GLT8D2: variants seen among roughly 807,000 people sequenced by gnomAD.
GLT8D2 encodes glycosyltransferase 8 domain-containing protein 2.
A neutral mutation model predicts 44.5 loss-of-function variants in GLT8D2; 45 were observed. The ratio of observed to expected loss-of-function variants is 1.01; its 90% CI spans 0.80 to 1.30. The LOEUF is 1.30. Ranked by LOEUF, GLT8D2 falls within the 50% of genes most tolerant of loss-of-function variation. The probability of loss-of-function intolerance (pLI) is 0.00; values close to 1 mark genes in which losing one functional copy is unlikely to be tolerated. For missense variants in GLT8D2, 400 were observed against 430.4 expected (o/e 0.93, Z 0.62); for synonymous variants, 156 against 157.2 (o/e 0.99, Z 0.06).
chr12:104,016,759 GAA>G (rs1566199564), intron 3 of GLT8D2, among the ~76,000 whole-genome samples: 1 of 95,860 alleles, frequency 1.0e-5, no homozygotes, highest in Non-Finnish European at 2.2e-5. Flanking sequence ...AAGAAAGAAA[GAA>G]AGAAAGAAAG....
At chr12:104,011,966 G>A (rs1055940066) in intron 4 of GLT8D2, among the ~76,000 whole-genome samples, 3 of 151,664 alleles carry the variant, frequency 2.0e-5, no homozygotes, top group African/African-American at 7.3e-5. Flanking sequence ...GAGGTCAGGC[G>A]TTTGAGACCA....
chr12:104,036,567 G>A (rs1032390185), intron 1 of GLT8D2, among the ~76,000 whole-genome samples: 8 of 152,160 alleles, frequency 5.3e-5, no homozygotes, highest in Admixed American at 5.2e-4. Context: ...GACAAAGAAG[G>A]CCATTACGTC....
chr12:103,994,473 C>T lies in GLT8D2; in HGVS notation c.629G>A (p.Arg210Gln), dbSNP rs765627577. ...GCCAAGGTCCTTGATGGCCTTCTTC[C>T]GGTAGTCCAGATAGCCCATATATGT... is the stretch of plus-strand genomic sequence containing the variant. ...QNTYMGYLDY[R>Q]KKAIKDLGIS... Residue 210 changes from arginine to glutamine, a missense_variant, in exon 9 of 11, where the codon CGG becomes CAG. Coordinates refer to ENST00000360814, the MANE Select transcript of GLT8D2 (RefSeq NM_001384711.1). 34 of 1,613,766 alleles carry T rather than the reference C, an allele frequency of 2.1e-5. No homozygotes were observed. The highest frequency in any genetic ancestry group is 5.5e-5 in the South Asian group (5 of 91,028).
chr12:104,008,793 C>T (rs985544371), intron 4 of GLT8D2, among the ~76,000 whole-genome samples: 6 of 152,368 alleles, frequency 3.9e-5, no homozygotes, highest in Admixed American at 3.9e-4. Context: ...TGTGTCCCAG[C>T]CACTCCAGCC....
chr12:103,990,105 A>ATG (rs1872553732), intron 10 of GLT8D2, among the ~76,000 whole-genome samples: 1 of 34,790 alleles, frequency 2.9e-5, no homozygotes, highest in Non-Finnish European at 5.4e-5. Context: ...ATATATATAT[A>ATG]TATATATATA....
chr12:104,027,202 T>G (rs184202858), intron 1 of GLT8D2, among the ~76,000 whole-genome samples: 1 of 152,332 alleles, frequency 6.6e-6, no homozygotes, highest in Admixed American at 6.5e-5. Context: ...CTTTTGCACC[T>G]GGAAAAGAAA....
At chr12:104,025,805 G>A (rs150951579) in intron 1 of GLT8D2, among the ~76,000 whole-genome samples, 3 of 152,186 alleles carry the variant, frequency 2.0e-5, no homozygotes, top group Admixed American at 6.5e-5. Flanking sequence ...CAATTTCAGG[G>A]TATTCAAAGG....
At chr12:104,035,830 T>C (rs1024229492) in intron 1 of GLT8D2, among the ~76,000 whole-genome samples, 2 of 152,104 alleles carry the variant, frequency 1.3e-5, no homozygotes, top group Admixed American at 6.5e-5. Flanking sequence ...ACCGCAAAGA[T>C]ATTCCTCGAG....
At chr12:104,023,826 AATGTTTT>A (rs1463884259) in intron 1 of GLT8D2, among the ~76,000 whole-genome samples, 1 of 152,176 alleles carries the variant, frequency 6.6e-6, no homozygotes, top group African/African-American at 2.4e-5. Context: ...CAATTAGCAT[AATGTTTT>A]TGAGATTCAT....
intron 4 of GLT8D2, among the ~76,000 whole-genome samples, chr12:104,006,861 C>G (rs977098380): frequency 6.6e-6 from 1 of 152,182 alleles, no homozygotes; most frequent in Non-Finnish European, 1.5e-5. Context: ...AAAACACACA[C>G]ACACTTAAAA....
chr12:104,055,985 G>T (rs1410018655), intron 1 of GLT8D2, among the ~76,000 whole-genome samples: 2 of 152,204 alleles, frequency 1.3e-5, no homozygotes, highest in Non-Finnish European at 2.9e-5. Flanking sequence ...CGGTGCTCTT[G>T]CTTTCCCCTG....
In GLT8D2 at chr12:104,015,157, C is replaced by T. The variant is rs370269983; in HGVS notation, c.20-52G>A. Reference sequence around the variant, plus strand: ...CATTGAACCTATGAACCTGAAATCACGTGACAAAGTTTAGAATGGTAGTGC... The same window carrying T: ...CATTGAACCTATGAACCTGAAATCATGTGACAAAGTTTAGAATGGTAGTGC... On this transcript the variant is annotated intron_variant, in intron 3 of 10. Coordinates refer to ENST00000360814, the MANE Select transcript of GLT8D2 (RefSeq NM_001384711.1). The T allele has an allele frequency of 6.3e-4, 893 of 1,422,234 alleles. 6 individuals are homozygous for T. The Middle Eastern group carries it at 7.8e-3, about 12-fold the overall frequency. The allele number at this position is 1,422,234 out of a possible 1,614,324, so 88.1% of individuals were successfully genotyped here.
intron 2 of GLT8D2, among the ~76,000 whole-genome samples, chr12:104,020,696 G>C (rs968372733): frequency 6.6e-6 from 1 of 152,206 alleles, no homozygotes; most frequent in African/African-American, 2.4e-5. Flanking sequence ...AAACTTCATT[G>C]AGGAGATGGC....
chr12:104,023,343 G>T (rs897146415), intron 1 of GLT8D2, among the ~76,000 whole-genome samples: 14 of 152,096 alleles, frequency 9.2e-5, no homozygotes, highest in African/African-American at 2.9e-4. Context: ...TTTTTATTAG[G>T]TAGTATTTTC....
intron 3 of GLT8D2, among the ~76,000 whole-genome samples, chr12:104,018,289 T>C (rs1022257137): frequency 6.6e-6 from 1 of 152,154 alleles, no homozygotes; most frequent in Non-Finnish European, 1.5e-5. Context: ...TTTTTTATTA[T>C]TTTTATGCAT....
intron 4 of GLT8D2, among the ~76,000 whole-genome samples, chr12:104,006,117 G>A (rs1338727583): frequency 6.6e-6 from 1 of 151,404 alleles, no homozygotes; most frequent in East Asian, 1.9e-4. Flanking sequence ...ATCATTCTCA[G>A]CAAACTATCG....
At chr12:103,991,147 G>A (rs1042089802) in intron 10 of GLT8D2, among the ~76,000 whole-genome samples, 1 of 152,140 alleles carries the variant, frequency 6.6e-6, no homozygotes, top group Non-Finnish European at 1.5e-5. Context: ...TTTCCTTTGG[G>A]AAGAGTATGT....
At chr12:104,047,742 G>T (rs1028242326) in intron 1 of GLT8D2, among the ~76,000 whole-genome samples, 2 of 152,178 alleles carry the variant, frequency 1.3e-5, no homozygotes, top group African/African-American at 4.8e-5. Flanking sequence ...ATTTTGGGGG[G>T]ACACAAACCT....
At chr12:104,042,188 GCA>G (rs1267474296) in intron 1 of GLT8D2, among the ~76,000 whole-genome samples, 1 of 152,200 alleles carries the variant, frequency 6.6e-6, no homozygotes, top group East Asian at 1.9e-4. Context: ...TAGATCTGAT[GCA>G]CAGAGACTTA....
Sources: gnomAD v4.1 joint callset for allele counts (sites outside exome capture counted in the v4.1 genomes callset) on GRCh38, gnomAD v4.1.1 for gene constraint, MANE v1.5 for transcripts, NCBI Gene and HGNC (gene_info 2026-07-23, HGNC 2026-07-21) for gene names.